SUPV3L1: variants seen among roughly 807,000 people sequenced by gnomAD.
SUPV3L1 encodes ATP-dependent RNA helicase SUPV3L1, mitochondrial.
Under a neutral mutation model 70.0 loss-of-function variants are expected in SUPV3L1, and 35 were observed. The ratio of observed to expected loss-of-function variants is 0.50; its 90% CI spans 0.38 to 0.66. The LOEUF is 0.66. SUPV3L1 is among the 30% of genes least tolerant of loss of function. The pLI is 0.00. For synonymous variants in SUPV3L1, 364 were observed against 341.9 expected (o/e 1.06, Z -0.71); for missense variants, 777 against 961.5 (o/e 0.81, Z 2.54).
chr10:69,208,090 G>C (rs2132312517), intron 14 of SUPV3L1, 149 bp downstream of exon 14: 1 of 1,051,704 alleles, frequency 9.5e-7, no homozygotes, highest in African/African-American at 1.6e-5. Flanking sequence ...TCAACTGATG[G>C]AATGGTTTCC....
Position 69,208,826 on chromosome 10 carries a change from A to T in SUPV3L1, c.2152A>T (p.Ser718Cys), listed in dbSNP as rs998160443. ...GACACGCGGCACCAAAGCTCTAGGG[A>T]GTAAAGCTACTGAGCCACCCAGCCC... ...RRTRGTKALGSKATEPPSPDA... is the reference protein window; with the variant it reads ...RRTRGTKALGCKATEPPSPDA... The change falls in exon 15 of 15, where the codon AGT becomes TGT. Residue 718 changes from serine (S) to cysteine (C), a missense_variant. Ser to Cys is a moderately radical substitution (Grantham distance 112). Coordinates refer to ENST00000359655, the MANE Select transcript of SUPV3L1 (RefSeq NM_003171.5). The T allele has an allele frequency of 6.2e-7, 1 of 1,614,076 alleles. No homozygotes were observed. Among genetic ancestry groups the T allele is most frequent in the Admixed American group, 1.7e-5 (1 of 60,004 alleles).
chr10:69,193,100 A>G (rs1282974273), intron 6 of SUPV3L1: 1 of 152,182 alleles, frequency 6.6e-6, no homozygotes, highest in South Asian at 2.1e-4. Context: ...AAGCAAGCAA[A>G]CAGAAGAAAA....
In SUPV3L1 at chr10:69,191,621, T is replaced by G. The variant is rs138529042; in HGVS notation, c.742-34T>G. On this transcript the variant is annotated intron_variant, in intron 5 of 14. Transcript: ENST00000359655. Reference sequence around the variant, plus strand: ...ATCCAAAACGTATTTTTGCATTATTTTCAATAATTCTAGTTTTTTTTCTGT... The same window carrying G: ...ATCCAAAACGTATTTTTGCATTATTGTCAATAATTCTAGTTTTTTTTCTGT... The G allele has an allele frequency of 1.5e-4, 236 of 1,564,086 alleles. No individual in the cohort carries two copies. In the African/African-American group the frequency reaches 2.7e-3, roughly 18 times the overall value.
intron 6 of SUPV3L1, 41 bp from the exon 7 acceptor site, chr10:69,195,147 T>A: frequency 6.6e-7 from 1 of 1,511,676 alleles, no homozygotes; most frequent in South Asian, 1.2e-5. Flanking sequence ...TAATACTATT[T>A]AAGTAGATGG....
At chr10:69,182,602 A>G in intron 1 of SUPV3L1, 1 of 985,400 alleles carries the variant, frequency 1.0e-6, no homozygotes, top group Non-Finnish European at 1.2e-6. Flanking sequence ...TGTCAGCACT[A>G]GATTTTCTTC....
intron 1 of SUPV3L1, among the ~76,000 whole-genome samples, chr10:69,184,365 C>A (rs1055319779): frequency 1.3e-5 from 2 of 151,946 alleles, no homozygotes; most frequent in South Asian, 4.2e-4. Flanking sequence ...CCTGTCTCTA[C>A]TAAAAATACA....
At chr10:69,194,298 G>C (rs749025744) in intron 6 of SUPV3L1, among the ~76,000 whole-genome samples, 1 of 152,074 alleles carries the variant, frequency 6.6e-6, no homozygotes, top group Non-Finnish European at 1.5e-5. Flanking sequence ...CTTGAGGCCA[G>C]GAGTTCGAGA....
chr10:69,182,330 G>T (rs79287854), intron 1 of SUPV3L1, among the ~76,000 whole-genome samples: 1 of 151,966 alleles, frequency 6.6e-6, no homozygotes, highest in Non-Finnish European at 1.5e-5. Flanking sequence ...GTTCACTAGC[G>T]TTAAGTATAT....
In SUPV3L1 at chr10:69,180,528, C is replaced by A; in HGVS notation, c.237C>A (p.Asp79Glu). 6.2e-7 allele frequency: 1 copy of A among 1,614,192 alleles called. No individual in the cohort carries two copies. Among genetic ancestry groups the A allele is most frequent in the African/African-American group, 1.3e-5 (1 of 75,072 alleles). ...CTCAGGGCCCCAGCGCCGACGGCGA[C>A]GTCGGGGCCGAGCTAACCCGGCCTC... is the stretch of plus-strand genomic sequence containing the variant. ...VKPQGPSADG[D>E]VGAELTRPLD... Residue 79 changes from aspartate (D) to glutamate (E), a missense_variant, in exon 1 of 15, where the codon GAC becomes GAA. Asp to Glu is a conservative substitution (Grantham distance 45, BLOSUM62 2). Around this residue, in one of 2 missense-constraint regions of SUPV3L1, gnomAD observed 158 missense variants for 138.3 expected, o/e 1.14. Coordinates refer to ENST00000359655, the MANE Select transcript of SUPV3L1 (RefSeq NM_003171.5).
intron 2 of SUPV3L1, 114 bp downstream of exon 2, chr10:69,186,178 T>C: frequency 1.0e-6 from 1 of 958,498 alleles, no homozygotes; most frequent in South Asian, 1.5e-5. Context: ...GACACGTCCC[T>C]GCTCTTTGCT....
chr10:69,202,859 T>TC lies in SUPV3L1; in HGVS notation c.1600-4dup, dbSNP rs1246704070. On this transcript the variant is annotated splice_polypyrimidine_tract_variant and splice_region_variant and intron_variant, in intron 12 of 14. Coordinates refer to ENST00000359655, the MANE Select transcript of SUPV3L1 (RefSeq NM_003171.5). The stretch of plus-strand genomic sequence containing the variant: ...CAGTCCAGTAATTTCTGTCTTTTTT[T>TC]CCCCAAGGATATTTTTGTAGACTTT... The TC allele has an allele frequency of 1.2e-6, 2 of 1,608,398 alleles. No homozygotes were observed. The highest frequency in any genetic ancestry group is 2.2e-5 in the East Asian group (1 of 44,796).
chr10:69,199,520 C>T (rs1182649529), intron 10 of SUPV3L1, among the ~76,000 whole-genome samples: 1 of 151,770 alleles, frequency 6.6e-6, no homozygotes, highest in African/African-American at 2.4e-5. Flanking sequence ...TAGCTGGGAC[C>T]ACAGGTGCAC....
chr10:69,180,792 T>C (rs1842032010), intron 1 of SUPV3L1, among the ~76,000 whole-genome samples: 1 of 152,212 alleles, frequency 6.6e-6, no homozygotes, highest in Non-Finnish European at 1.5e-5. Context: ...TCCCTTTTAC[T>C]GCCCTGCTCT....
At chr10:69,187,084 CCTGT>C (rs898686818) in intron 3 of SUPV3L1, among the ~76,000 whole-genome samples, 21 of 152,022 alleles carry the variant, frequency 1.4e-4, no homozygotes, top group African/African-American at 4.8e-4. Context: ...CATGTTTTTG[CCTGT>C]CTGTGGTTTT....
chr10:69,184,913 G>A (rs1265110312), intron 1 of SUPV3L1, among the ~76,000 whole-genome samples: 1 of 152,172 alleles, frequency 6.6e-6, no homozygotes, highest in Non-Finnish European at 1.5e-5. Flanking sequence ...TACATAGTGT[G>A]TGACTGAGTC....
At position 69,200,536 on chromosome 10, in the gene SUPV3L1, A is replaced by T. The variant is rs755923834; in HGVS notation, c.1518+37A>T. On this transcript the variant is annotated intron_variant, in intron 11 of 14. Transcript: ENST00000359655. The stretch of plus-strand genomic sequence containing the variant: ...CATGTTAACTACTGCTTCTCTGTGG[A>T]GGAGAGTCATTCTTTCCCTCACCCA... 3 of 1,533,742 alleles carry T rather than the reference A, an allele frequency of 2.0e-6. No homozygotes were observed. In the South Asian group the frequency reaches 3.4e-5, roughly 17 times the overall value.
chr10:69,189,612 G>A (rs1211520463), intron 5 of SUPV3L1, among the ~76,000 whole-genome samples, 177 bp downstream of exon 5: 1 of 150,262 alleles, frequency 6.7e-6, no homozygotes, highest in African/African-American at 2.4e-5. Flanking sequence ...GAAAGAAAAA[G>A]ATGCTACCAA....
chr10:69,184,605 T>C (rs975905505), intron 1 of SUPV3L1, among the ~76,000 whole-genome samples: 2 of 98,856 alleles, frequency 2.0e-5, no homozygotes, highest in African/African-American at 7.7e-5. Context: ...GCCTGTGATC[T>C]GAAATATAAA....
intron 14 of SUPV3L1, among the ~76,000 whole-genome samples, chr10:69,208,237 T>C (rs1048651501): frequency 6.6e-6 from 1 of 152,218 alleles, no homozygotes; most frequent in Non-Finnish European, 1.5e-5. Flanking sequence ...TTGTTAGAAC[T>C]AAGGAGTATC....
Sources: allele counts gnomAD v4.1 joint callset (sites outside exome capture counted in the v4.1 genomes callset), GRCh38; gene constraint gnomAD v4.1.1; regional missense constraint gnomAD v4.1.1; transcripts MANE v1.5; gene names NCBI Gene and HGNC (gene_info 2026-07-23, HGNC 2026-07-21).